KLHL28: variants seen among roughly 807,000 people sequenced by gnomAD.
The protein encoded by KLHL28 is kelch like family member 28.
A neutral mutation model predicts 48.3 loss-of-function variants in KLHL28; 22 were observed. That is an observed-to-expected ratio of 0.46 (90% CI 0.33 to 0.65). The LOEUF (loss-of-function observed/expected upper bound fraction) is 0.65. KLHL28 is among the 30% of genes least tolerant of loss of function. The pLI is 0.03. For missense variants in KLHL28, 527 were observed against 704.3 expected, an observed-to-expected ratio of 0.75 and a Z score of 2.85; for synonymous variants, 243 against 242.4, an observed-to-expected ratio of 1.00 and a Z score of -0.02.
rs1566564854 is a variant in KLHL28, at chr14:44,935,864, G to GTGTA, written c.900-1307_900-1306insTACA. ...TATAATCTTTTGCATGTATGTATGT[G>GTGTA]TATGTGTATGTATATATATATGTGT... On this transcript the variant is annotated intron_variant, in intron 2 of 4. Transcript: ENST00000396128. 8.2e-3 allele frequency among the ~76,000 whole-genome samples: 390 copies of GTGTA among 47,676 alleles called. 2 individuals are homozygous for GTGTA. Among genetic ancestry groups the GTGTA allele is most frequent in the Non-Finnish European group, 0.017 (305 of 18,258 alleles). 31.3% of individuals were successfully genotyped at this position (47,676 alleles called of 152,430 possible). A position where few individuals can be genotyped will look rare whatever the true frequency, so the allele number is the denominator to read the frequency against.
At chr14:44,949,754 T>C (rs968012216) in intron 1 of KLHL28, among the ~76,000 whole-genome samples, 17 of 152,058 alleles carry the variant, frequency 1.1e-4, no homozygotes, top group Non-Finnish European at 2.1e-4. Context: ...TACCCAAGTA[T>C]AGAATAAGAG....
In KLHL28 at chr14:44,929,106, A is replaced by G. The variant is rs1883479881; in HGVS notation, c.1638T>C (p.Tyr546=). The G allele has an allele frequency of 6.2e-7, 1 of 1,614,102 alleles. No individual in the cohort carries two copies. Among genetic ancestry groups the G allele is most frequent in the African/African-American group, 1.3e-5 (1 of 75,062 alleles). ...GSSYLNTVQK[Y]DPISDTWLDS... is the part of the protein sequence containing the mutation. ...CCAGCCACGTATCTGAGATAGGATC[A>G]TATTTCTGCACTGTATTCAGATAGG... The change falls in exon 5 of 5, where the codon TAT becomes TAC. Residue 546 remains tyrosine (Y), a synonymous_variant. Coordinates refer to ENST00000396128, the MANE Select transcript of KLHL28 (RefSeq NM_017658.5).
chr14:44,938,975 G>A (rs971085126), intron 2 of KLHL28, among the ~76,000 whole-genome samples: 1 of 152,178 alleles, frequency 6.6e-6, no homozygotes, highest in East Asian at 1.9e-4. Flanking sequence ...ACAGGTTTCT[G>A]CTTGCCCCCT....
At position 44,931,417 on chromosome 14, in the gene KLHL28, C is replaced by A. The variant is rs779954202; in HGVS notation, c.1468G>T (p.Val490Phe). The change falls in exon 4 of 5, where the codon GTC (valine) becomes TTC (phenylalanine). Residue 490 changes from valine (V) to phenylalanine (F), a missense_variant. Transcript: ENST00000396128. ...FIFVVGGHNG[V>F]SHLSSIERYD... The stretch of plus-strand genomic sequence containing the variant: ...CTTTCAATGCTGGACAAATGTGAGA[C>A]TCCATTATGTCCACCCACCACAAAA... 6.2e-7 allele frequency: 1 copy of A among 1,613,974 alleles called. No homozygotes were observed.
chr14:44,941,521 G>A (rs1340056499), intron 2 of KLHL28, among the ~76,000 whole-genome samples: 5 of 151,520 alleles, frequency 3.3e-5, no homozygotes, highest in African/African-American at 9.7e-5. Context: ...CCAGCTACTC[G>A]GGAGGCTGAG....
At chr14:44,944,222 T>C (rs1355022414) in intron 2 of KLHL28, among the ~76,000 whole-genome samples, 1 of 152,194 alleles carries the variant, frequency 6.6e-6, no homozygotes, top group Non-Finnish European at 1.5e-5. Flanking sequence ...AAGTTACTAG[T>C]ATAATGCACC....
intron 3 of KLHL28, among the ~76,000 whole-genome samples, chr14:44,933,377 C>G (rs1209219819): frequency 6.7e-6 from 1 of 148,950 alleles, no homozygotes; most frequent in African/African-American, 2.5e-5. Context: ...GTAGTGCATT[C>G]AAGGCTCACT....
chr14:44,945,536 T>G lies in KLHL28; in HGVS notation c.393A>C (p.Gln131His), dbSNP rs373919731. The G allele has an allele frequency of 6.2e-7, 1 of 1,614,198 alleles. No homozygotes were observed. Reference sequence around the variant, plus strand: ...TTCCAATACAATTACCAGGATCAAGTTGGCTTTCAAGAAATGCACAACATT... The same window carrying G: ...TTCCAATACAATTACCAGGATCAAGGTGGCTTTCAAGAAATGCACAACATT... ...LKECCAFLES[Q>H]LDPGNCIGIS... The change falls in exon 2 of 5, where the codon CAA becomes CAC. Residue 131 changes from glutamine (Q) to histidine (H), a missense_variant. Gln to His is a conservative substitution (Grantham distance 24). Transcript: ENST00000396128.
intron 1 of KLHL28, among the ~76,000 whole-genome samples, chr14:44,956,371 T>A (rs1011393423): frequency 1.3e-5 from 2 of 152,180 alleles, no homozygotes; most frequent in Admixed American, 1.3e-4. Flanking sequence ...GGGCTGTTTA[T>A]ATCACAAAAA....
In KLHL28 at chr14:44,951,328, A is replaced by G. The variant is rs114885319; in HGVS notation, c.1-5400T>C. Among the ~76,000 whole-genome samples the G allele has an allele frequency of 8.2e-3, 1,249 of 152,328 alleles. 14 individuals are homozygous for G. The highest frequency in any genetic ancestry group is 0.029 in the African/African-American group (1,205 of 41,576). On this transcript the variant is annotated intron_variant, in intron 1 of 4. Transcript: ENST00000396128. The stretch of plus-strand genomic sequence containing the variant: ...TCTCTCATATTCCAGGAGAATCACA[A>G]GGTGTGTCAAGCCACGGATAAGCTG...
chr14:44,924,671 C>A lies in KLHL28; in HGVS notation c.*4357G>T, dbSNP rs543185284. 1 of 152,712 alleles carries A rather than the reference C, an allele frequency of 6.5e-6. No homozygotes were observed. Among genetic ancestry groups the A allele is most frequent in the African/African-American group, 2.4e-5 (1 of 41,570 alleles). 9.5% of individuals were successfully genotyped at this position (152,712 alleles called of 1,614,324 possible). A position where few individuals can be genotyped will look rare whatever the true frequency, so the allele number is the denominator to read the frequency against. ...CGTTGCTGGTTTATAATACACAGCA[C>A]AATTCATAAGGCAAAAATATAGGCA... On this transcript the variant is annotated 3_prime_UTR_variant, in exon 5 of 5. Coordinates refer to ENST00000396128, the MANE Select transcript of KLHL28 (RefSeq NM_017658.5).
intron 2 of KLHL28, among the ~76,000 whole-genome samples, chr14:44,935,918 C>T (rs866297038): frequency 9.5e-4 from 25 of 26,350 alleles, no homozygotes; most frequent in Non-Finnish European, 3.3e-3. Flanking sequence ...ACCCTCCCCC[C>T]GCAAAGTTGG....
chr14:44,946,069 G>C (rs185019612), intron 1 of KLHL28, 141 bp from the exon 2 acceptor site: 455 of 645,770 alleles, frequency 7.0e-4, no homozygotes, highest in Admixed American at 2.4e-3. Context: ...GTAAATACTA[G>C]AACTAGAGGC....
At chr14:44,950,348 G>A (rs1226280033) in intron 1 of KLHL28, among the ~76,000 whole-genome samples, 5 of 152,086 alleles carry the variant, frequency 3.3e-5, no homozygotes, top group African/African-American at 4.8e-5. Context: ...AAGTATCACA[G>A]AATTGTTGAT....
At position 44,926,039 on chromosome 14, in the gene KLHL28, G is replaced by T. The variant is rs912186855; in HGVS notation, c.*2989C>A. ...TTATTTCTAATACTTTTAATCCTGAGGATTTATAACCAAACATTTTGATCC... is the reference window on the plus strand; with the variant it reads ...TTATTTCTAATACTTTTAATCCTGATGATTTATAACCAAACATTTTGATCC... On this transcript the variant is annotated 3_prime_UTR_variant, in exon 5 of 5. Transcript: ENST00000396128. 2.0e-5 allele frequency: 3 copies of T among 152,006 alleles called. No individual in the cohort carries two copies. The highest frequency in any genetic ancestry group is 4.4e-5 in the Non-Finnish European group (3 of 67,984). 9.4% of individuals were successfully genotyped at this position (152,006 alleles called of 1,614,324 possible).
intron 2 of KLHL28, among the ~76,000 whole-genome samples, chr14:44,940,123 CAA>C (rs1387877913): frequency 6.6e-6 from 1 of 152,112 alleles, no homozygotes; most frequent in East Asian, 1.9e-4. Context: ...GTATGTGAGA[CAA>C]AGAGAAAATG....
chr14:44,949,015 G>A (rs973899030), intron 1 of KLHL28, among the ~76,000 whole-genome samples: 3 of 151,996 alleles, frequency 2.0e-5, no homozygotes, highest in Admixed American at 6.6e-5. Flanking sequence ...AAATGTATGC[G>A]AAAAATAAGA....
chr14:44,934,248 C>T lies in KLHL28; in HGVS notation c.1210G>A (p.Glu404Lys), dbSNP rs1372325209. The T allele has an allele frequency of 5.6e-6, 9 of 1,613,958 alleles. No homozygotes were observed. Among genetic ancestry groups the T allele is most frequent in the Non-Finnish European group, 7.6e-6 (9 of 1,180,014 alleles). ...TTTCTTATTTTGGGAATGTACTTCTCTACAGATTGTAAATAAGATTGTCCA... is the reference window on the plus strand; with the variant it reads ...TTTCTTATTTTGGGAATGTACTTCTTTACAGATTGTAAATAAGATTGTCCA... The part of the protein sequence containing the change: ...YDGQSYLQSV[E>K]KYIPKIRKWQ... Residue 404 changes from glutamate to lysine, a missense_variant, in exon 3 of 5, where the codon GAG (glutamate) becomes AAG (lysine). By Grantham distance (56) the Glu-to-Lys change is moderately conservative. Transcript: ENST00000396128.
intron 2 of KLHL28, among the ~76,000 whole-genome samples, chr14:44,937,411 T>G (rs1883872038): frequency 6.6e-6 from 1 of 152,134 alleles, no homozygotes; most frequent in Non-Finnish European, 1.5e-5. Context: ...CCTCCCAAAG[T>G]GCTGGGATTA....
Sources: allele counts gnomAD v4.1 joint callset (sites outside exome capture counted in the v4.1 genomes callset), GRCh38; gene constraint gnomAD v4.1.1; transcripts MANE v1.5; gene names NCBI Gene and HGNC (gene_info 2026-07-23, HGNC 2026-07-21).